The following AGBL1 variants were observed in gnomAD, a reference collection of about 807,000 sequenced individuals.
The protein encoded by AGBL1 is AGBL carboxypeptidase 1.
In AGBL1, 130 loss-of-function variants were observed where a neutral mutation model predicts 118.9. The observed-to-expected ratio is 1.09, with a 90% CI of 0.95 to 1.26. The LOEUF is 1.26. AGBL1 is among the 50% of genes most tolerant of loss of function. The pLI, the probability that AGBL1 is intolerant of heterozygous loss-of-function variation, is 0.00. For synonymous variants in AGBL1, 555 were observed against 478.9 expected (o/e 1.16, Z -2.08); for missense variants, 1,584 against 1,298.1 (o/e 1.22, Z -3.38).
chr15:86,099,843 A>C (rs1567053551), intron 1 of AGBL1, among the ~76,000 whole-genome samples: 2 of 152,030 alleles, frequency 1.3e-5, no homozygotes, highest in Admixed American at 1.3e-4. Flanking sequence ...TTCTCATGCC[A>C]GATTGCCTAG....
At chr15:86,195,193 T>C (rs1163220243) in intron 5 of AGBL1, among the ~76,000 whole-genome samples, 1 of 152,158 alleles carries the variant, frequency 6.6e-6, no homozygotes, top group Non-Finnish European at 1.5e-5. Context: ...TATAGATCTA[T>C]AGGAAAGACA....
chr15:86,515,299 A>G (rs2083106485), intron 18 of AGBL1, among the ~76,000 whole-genome samples: 1 of 152,088 alleles, frequency 6.6e-6, no homozygotes, highest in Admixed American at 6.6e-5. Context: ...ATTCCTCTGG[A>G]GTTTCTCCAT....
intron 17 of AGBL1, among the ~76,000 whole-genome samples, chr15:86,374,149 G>A (rs2081005695): frequency 6.6e-6 from 1 of 152,192 alleles, no homozygotes. Flanking sequence ...TAGAAACAAA[G>A]CCAGAAATAT....
chr15:86,906,132 G>T (rs1174775497), intron 22 of AGBL1, among the ~76,000 whole-genome samples: 1 of 152,186 alleles, frequency 6.6e-6, no homozygotes, highest in Non-Finnish European at 1.5e-5. Flanking sequence ...AGCTCTGCCT[G>T]ATTTATGAAG....
intron 18 of AGBL1, among the ~76,000 whole-genome samples, chr15:86,500,862 A>G (rs1225423003): frequency 2.6e-5 from 4 of 151,702 alleles, no homozygotes; most frequent in Non-Finnish European, 5.9e-5. Context: ...ATAATATTCC[A>G]TTGTATGGGG....
intron 23 of AGBL1, among the ~76,000 whole-genome samples, chr15:86,927,011 C>A (rs2016272): frequency 0.65 from 97,941 of 151,604 alleles, 32,313 homozygotes; most frequent in South Asian, 0.85. Context: ...TGGTGGTGGG[C>A]GCCTGTAATC....
intron 22 of AGBL1, among the ~76,000 whole-genome samples, chr15:86,904,889 T>C (rs2080260990): frequency 6.6e-6 from 1 of 152,158 alleles, no homozygotes; most frequent in Non-Finnish European, 1.5e-5. Context: ...TAGTATGATC[T>C]CATTACATTC....
chr15:86,661,003 T>G (rs989888109), intron 21 of AGBL1, among the ~76,000 whole-genome samples: 1 of 152,184 alleles, frequency 6.6e-6, no homozygotes, highest in Non-Finnish European at 1.5e-5. Context: ...ACTGAGAAAG[T>G]GTAAAACAGT....
intron 21 of AGBL1, among the ~76,000 whole-genome samples, chr15:86,590,069 A>G (rs1406652877): frequency 1.3e-5 from 2 of 152,200 alleles, no homozygotes; most frequent in Non-Finnish European, 2.9e-5. Flanking sequence ...GTGCACAGGG[A>G]GAACCACAGA....
intron 18 of AGBL1, among the ~76,000 whole-genome samples, chr15:86,495,802 G>A (rs1003508300): frequency 6.6e-6 from 1 of 151,476 alleles, no homozygotes; most frequent in Non-Finnish European, 1.5e-5. Flanking sequence ...TAAGATCAAG[G>A]TTTTTTGATG....
intron 18 of AGBL1, among the ~76,000 whole-genome samples, chr15:86,420,814 C>T (rs1042799515): frequency 2.0e-5 from 3 of 152,066 alleles, no homozygotes; most frequent in African/African-American, 7.2e-5. Flanking sequence ...ATGAAGCATG[C>T]ACAAGTATCA....
At chr15:86,400,414 T>C (rs2081426705) in intron 18 of AGBL1, among the ~76,000 whole-genome samples, 2 of 152,142 alleles carry the variant, frequency 1.3e-5, no homozygotes, top group Non-Finnish European at 2.9e-5. Context: ...GGGTATATTC[T>C]TATTAATAGG....
At chr15:86,817,251 G>A (rs1235449798) in intron 22 of AGBL1, among the ~76,000 whole-genome samples, 5 of 144,376 alleles carry the variant, frequency 3.5e-5, no homozygotes, top group African/African-American at 1.0e-4. Context: ...AAGATAGTGC[G>A]ATTGTACTCT....
intron 24 of AGBL1, among the ~76,000 whole-genome samples, chr15:87,019,673 A>G (rs2081642343): frequency 6.6e-6 from 1 of 152,126 alleles, no homozygotes; most frequent in East Asian, 1.9e-4. Context: ...AAAAACTAGA[A>G]AAGTCTCAAG....
chr15:86,793,484 A>C (rs940386462), intron 22 of AGBL1, among the ~76,000 whole-genome samples: 7 of 152,228 alleles, frequency 4.6e-5, no homozygotes, highest in African/African-American at 1.7e-4. Context: ...AAAATGAATC[A>C]TAGACCTAAG....
chr15:86,991,325 A>T (rs1223400439), intron 24 of AGBL1, among the ~76,000 whole-genome samples: 1 of 148,688 alleles, frequency 6.7e-6, no homozygotes, highest in African/African-American at 2.5e-5. Flanking sequence ...AAACTATCAT[A>T]TGTCTCTAAA....
intron 23 of AGBL1, among the ~76,000 whole-genome samples, chr15:86,928,596 C>G (rs1187326585): frequency 6.6e-6 from 1 of 152,196 alleles, no homozygotes; most frequent in East Asian, 1.9e-4. Context: ...GTCTTAACAA[C>G]AACGATGCTC....
At chr15:86,591,046 GT>G (rs2084327004) in intron 21 of AGBL1, among the ~76,000 whole-genome samples, 1 of 152,108 alleles carries the variant, frequency 6.6e-6, no homozygotes, top group Non-Finnish European at 1.5e-5. Context: ...TCCACTTTAA[GT>G]TTAGTTCGCT....
chr15:86,896,142 C>G (rs1294479083), intron 22 of AGBL1, among the ~76,000 whole-genome samples: 2 of 151,880 alleles, frequency 1.3e-5, no homozygotes, highest in Admixed American at 1.3e-4. Context: ...CCAAAAAAAT[C>G]TTTTTCTTTC....
Sources: allele counts gnomAD v4.1 joint callset (sites outside exome capture counted in the v4.1 genomes callset), GRCh38; gene constraint gnomAD v4.1.1; transcripts MANE v1.5; gene names NCBI Gene and HGNC (gene_info 2026-07-23, HGNC 2026-07-21).